EBF3: variants seen among roughly 807,000 people sequenced by gnomAD.
EBF3 encodes the protein EBF transcription factor 3.
Under a neutral mutation model 77.1 loss-of-function variants are expected in EBF3, and 18 were observed. The observed-to-expected ratio is 0.23, with a 90% confidence interval of 0.16 to 0.35. The LOEUF (loss-of-function observed/expected upper bound fraction) is 0.35. Among genes scored for constraint, EBF3 ranks in the 10% least tolerant of loss-of-function variants. The probability of loss-of-function intolerance (pLI) is 1.00; values close to 1 mark genes in which losing one functional copy is unlikely to be tolerated. For synonymous variants in EBF3, 350 were observed against 343.5 expected (o/e 1.02, Z -0.21); for missense variants, 558 against 860.0 (o/e 0.65, Z 4.39).
chr10:129,956,577 C>T lies in EBF3; in HGVS notation c.554+681G>A, dbSNP rs140954559. On this transcript the variant is annotated intron_variant, in intron 6 of 16. Coordinates refer to ENST00000440978, the MANE Select transcript of EBF3 (RefSeq NM_001375380.1). The stretch of plus-strand genomic sequence containing the variant: ...CACCATTAGGGCTACTGATTGGTAT[C>T]TTAAAAGGATGCAGCATTGCCCAAG... Among the ~76,000 whole-genome samples the T allele has an allele frequency of 6.0e-3, 912 of 152,294 alleles. 13 individuals are homozygous for T. The highest frequency in any genetic ancestry group is 0.021 in the African/African-American group (867 of 41,532).
chr10:129,936,839 G>A (rs545069724), intron 6 of EBF3, among the ~76,000 whole-genome samples: 27 of 152,262 alleles, frequency 1.8e-4, no homozygotes, highest in South Asian at 1.2e-3. Flanking sequence ...GGGAAGCACT[G>A]CTACAACCAA....
intron 6 of EBF3, among the ~76,000 whole-genome samples, chr10:129,955,528 T>C (rs1366120578): frequency 6.6e-6 from 1 of 152,208 alleles, no homozygotes; most frequent in African/African-American, 2.4e-5. Context: ...TAACCAAATA[T>C]AAGACAACAT....
At chr10:129,948,391 G>A (rs1858405420) in intron 6 of EBF3, among the ~76,000 whole-genome samples, 1 of 152,086 alleles carries the variant, frequency 6.6e-6, no homozygotes, top group Non-Finnish European at 1.5e-5. Flanking sequence ...GGGGTGCCAG[G>A]GGTTCAGGAA....
intron 6 of EBF3, among the ~76,000 whole-genome samples, chr10:129,945,445 A>AG (rs531572789): frequency 1.3e-5 from 2 of 152,328 alleles, no homozygotes; most frequent in African/African-American, 4.8e-5. Context: ...GATTGATCAG[A>AG]GGGCTCTGTA....
Position 129,964,205 on chromosome 10 carries a change from C to T in EBF3, c.-437G>A. The T allele has an allele frequency of 1.0e-6, 1 of 984,828 alleles. No individual in the cohort carries two copies. Among genetic ancestry groups the T allele is most frequent in the Non-Finnish European group, 1.2e-6 (1 of 829,734 alleles). 61.0% of individuals were successfully genotyped at this position (984,828 alleles called of 1,614,324 possible). On this transcript the variant is annotated 5_prime_UTR_variant, in exon 1 of 17. Coordinates refer to ENST00000440978, the MANE Select transcript of EBF3 (RefSeq NM_001375380.1). This position sits in a 1 kb window ranked among gnomAD's most constrained non-coding sequence, Gnocchi z 4.5. ...CGCAGTCCCGGGCGCAGGCGGGGCG[C>T]GGCGGGGCCTGGAGCGGCGCGCGCA...
intron 6 of EBF3, among the ~76,000 whole-genome samples, chr10:129,895,860 G>C (rs1854335352): frequency 6.6e-6 from 1 of 152,202 alleles, no homozygotes; most frequent in Non-Finnish European, 1.5e-5. Flanking sequence ...ATCAGGAGAG[G>C]TAATTAACTG....
chr10:129,958,209 G>A (rs1430505134), intron 5 of EBF3, among the ~76,000 whole-genome samples: 1 of 152,242 alleles, frequency 6.6e-6, no homozygotes, highest in African/African-American at 2.4e-5. Flanking sequence ...TAGGCAACCG[G>A]CATCATAGCC....
intron 6 of EBF3, among the ~76,000 whole-genome samples, chr10:129,925,827 A>T (rs1273800812): frequency 3.9e-5 from 6 of 152,136 alleles, no homozygotes; most frequent in African/African-American, 1.2e-4. Flanking sequence ...AAGCCCACGC[A>T]CCACGTAGCT....
rs1363395471 is a variant in EBF3, at chr10:129,952,906, C to T, written c.554+4352G>A. ...TAAATGAGGTAAATGAATAAAATGT[C>T]CCAGAGCACAACTGTGTGTGCTGAC... On this transcript the variant is annotated intron_variant, in intron 6 of 16. Transcript: ENST00000440978. The surrounding 1 kb of genome is among the most constrained non-coding windows in gnomAD (Gnocchi z 4.7). Among the ~76,000 whole-genome samples, 1 of 151,744 alleles carries T rather than the reference C, an allele frequency of 6.6e-6. No homozygotes were observed. The highest frequency in any genetic ancestry group is 1.5e-5 in the Non-Finnish European group (1 of 67,966).
At chr10:129,921,901 G>A (rs1015252965) in intron 6 of EBF3, among the ~76,000 whole-genome samples, 13 of 152,160 alleles carry the variant, frequency 8.5e-5, no homozygotes, top group South Asian at 2.1e-4. Flanking sequence ...AGCCACATCC[G>A]CCCAAGCCTG....
intron 6 of EBF3, among the ~76,000 whole-genome samples, chr10:129,940,889 G>A (rs544405384): frequency 5.3e-5 from 8 of 152,254 alleles, no homozygotes; most frequent in African/African-American, 1.7e-4. Context: ...TCCCATGTTG[G>A]GCCACAGCAA....
chr10:129,935,450 C>T lies in EBF3; in HGVS notation c.554+21808G>A, dbSNP rs1286175806. Among the ~76,000 whole-genome samples the T allele has an allele frequency of 2.0e-5, 3 of 152,346 alleles. No homozygotes were observed. Among genetic ancestry groups the T allele is most frequent in the East Asian group, 1.9e-4 (1 of 5,174 alleles). ...CTTCTGTGCTGCAAACTCCCACCAA[C>T]GGGACCTCCTTGAGGACAGAGCAGC... On this transcript the variant is annotated intron_variant, in intron 6 of 16. Transcript: ENST00000440978. The surrounding 1 kb of genome is among the most constrained non-coding windows in gnomAD (Gnocchi z 4.2).
At chr10:129,940,873 C>T (rs1028880972) in intron 6 of EBF3, among the ~76,000 whole-genome samples, 2 of 152,174 alleles carry the variant, frequency 1.3e-5, no homozygotes, top group Non-Finnish European at 2.9e-5. Flanking sequence ...ATCCCACACT[C>T]GATCCTCCCA....
intron 6 of EBF3, among the ~76,000 whole-genome samples, chr10:129,914,609 C>T (rs1219545542): frequency 2.0e-5 from 3 of 152,260 alleles, no homozygotes; most frequent in Non-Finnish European, 4.4e-5. Context: ...AAGGCTACCC[C>T]TTCACCTGAG....
intron 6 of EBF3, among the ~76,000 whole-genome samples, chr10:129,954,263 T>C (rs185345157): frequency 3.1e-4 from 47 of 152,310 alleles, no homozygotes; most frequent in African/African-American, 1.0e-3. Context: ...TAAGTTGTTA[T>C]ATTATTTTAA....
Position 129,964,271 on chromosome 10 carries a change from G to C in EBF3, c.-503C>G. On this transcript the variant is annotated 5_prime_UTR_variant, in exon 1 of 17. Coordinates refer to ENST00000440978, the MANE Select transcript of EBF3 (RefSeq NM_001375380.1). The surrounding 1 kb of genome is among the most constrained non-coding windows in gnomAD (Gnocchi z 4.5). Reference sequence around the variant, plus strand: ...CAAAACTCAGCCCTCTCTCCCCGAGGAATGGACCCTTTCCCGGGAGCCAAA... The same window carrying C: ...CAAAACTCAGCCCTCTCTCCCCGAGCAATGGACCCTTTCCCGGGAGCCAAA... 4.1e-6 allele frequency: 4 copies of C among 985,098 alleles called. No individual in the cohort carries two copies. The highest frequency in any genetic ancestry group is 4.8e-6 in the Non-Finnish European group (4 of 829,834). 61.0% of individuals were successfully genotyped at this position (985,098 alleles called of 1,614,324 possible). A position where few individuals can be genotyped will look rare whatever the true frequency, so the allele number is the denominator to read the frequency against.
chr10:129,900,379 A>T (rs562275271), intron 6 of EBF3, among the ~76,000 whole-genome samples: 7 of 152,234 alleles, frequency 4.6e-5, no homozygotes, highest in African/African-American at 1.4e-4. Context: ...TTTATAACCT[A>T]AGAGCAAGGA....
rs1028608949 is a variant in EBF3, at chr10:129,840,411, A to G, written c.1593T>C (p.Ser531=). ...IVPSSPTMAA[S]SVTLPSNCSS... ...TACAGTTTGAAGGGAGGGTGACCGA[A>G]GAGGCTGCCATGGTGGGGCTGGACG... Residue 531 remains serine (S), a synonymous_variant, in exon 15 of 17, where the codon TCT becomes TCC. Transcript: ENST00000440978. 6.4e-6 allele frequency: 10 copies of G among 1,551,990 alleles called. No homozygotes were observed. The highest frequency in any genetic ancestry group is 8.7e-6 in the Non-Finnish European group (10 of 1,147,180).
intron 6 of EBF3, among the ~76,000 whole-genome samples, chr10:129,953,284 T>C (rs1858808528): frequency 1.3e-5 from 2 of 152,186 alleles, no homozygotes; most frequent in African/African-American, 4.8e-5. Context: ...TATTTCCCTA[T>C]GACACAACGT....
Sources: gnomAD v4.1 joint callset for allele counts (sites outside exome capture counted in the v4.1 genomes callset) on GRCh38, gnomAD v4.1.1 for gene constraint, Gnocchi (gnomAD v3.1) non-coding constraint, MANE v1.5 for transcripts, NCBI Gene and HGNC (gene_info 2026-07-23, HGNC 2026-07-21) for gene names.